RAB6A: variants seen among roughly 807,000 people sequenced by gnomAD.
The protein encoded by RAB6A is ras-related protein Rab-6A.
A neutral mutation model predicts 32.3 loss-of-function variants in RAB6A; 8 were observed. That is an observed-to-expected ratio of 0.25 (90% CI 0.15 to 0.45). The LOEUF is 0.45. Among genes scored for constraint, RAB6A ranks in the 20% least tolerant of loss-of-function variants. The pLI, the probability that RAB6A is intolerant of heterozygous loss-of-function variation, is 1.00. For synonymous variants in RAB6A, 73 were observed against 82.1 expected (o/e 0.89, Z 0.60); for missense variants, 104 against 249.4 (o/e 0.42, Z 3.93).
At chr11:73,695,171 A>G (rs1423116642) in intron 6 of RAB6A, among the ~76,000 whole-genome samples, 1 of 152,110 alleles carries the variant, frequency 6.6e-6, no homozygotes, top group Admixed American at 6.5e-5. Flanking sequence ...AGGACATCCC[A>G]AAGTGGGCCA....
At chr11:73,700,554 A>AG (rs1335229901) in intron 6 of RAB6A, among the ~76,000 whole-genome samples, 1 of 125,264 alleles carries the variant, frequency 8.0e-6, no homozygotes, top group Non-Finnish European at 1.6e-5. Flanking sequence ...ACTATACTCC[A>AG]GCCTGGGTGA....
chr11:73,726,581 CA>C (rs60281561), intron 2 of RAB6A, among the ~76,000 whole-genome samples: 316 of 29,810 alleles, frequency 0.011, no homozygotes, highest in African/African-American at 0.048. Flanking sequence ...GACTCTGTCT[CA>C]AAAAAAAAAA....
chr11:73,684,426 C>T (rs1408919249), intron 6 of RAB6A, among the ~76,000 whole-genome samples: 1 of 152,162 alleles, frequency 6.6e-6, no homozygotes, highest in South Asian at 2.1e-4. Flanking sequence ...ATCTTGGCCT[C>T]CCAAAGTGCT....
intron 5 of RAB6A, 105 bp from the exon 6 acceptor site, chr11:73,707,618 A>G: frequency 1.3e-6 from 1 of 765,268 alleles, no homozygotes; most frequent in South Asian, 1.8e-5. Context: ...AGGACTGGTT[A>G]TACAGGTCAC....
intron 7 of RAB6A, among the ~76,000 whole-genome samples, chr11:73,678,682 T>C (rs1163200618): frequency 6.6e-6 from 1 of 151,198 alleles, no homozygotes; most frequent in Non-Finnish European, 1.5e-5. Flanking sequence ...GTTGTTGTTG[T>C]TGTTTTGTTT....
chr11:73,693,556 C>CTTT (rs891656563), intron 6 of RAB6A, among the ~76,000 whole-genome samples: 1,542 of 118,966 alleles, frequency 0.013, 25 homozygotes, highest in African/African-American at 0.045. Context: ...AAGACTCCAT[C>CTTT]TTTTTTTTTT....
chr11:73,700,219 CTAAAG>C (rs1221496378), intron 6 of RAB6A, among the ~76,000 whole-genome samples: 1 of 152,138 alleles, frequency 6.6e-6, no homozygotes, highest in Non-Finnish European at 1.5e-5. Context: ...CAGGTGAAGG[CTAAAG>C]TAATCACCTT....
intron 1 of RAB6A, among the ~76,000 whole-genome samples, chr11:73,757,603 G>A (rs528711605): frequency 3.4e-4 from 52 of 152,072 alleles, no homozygotes; most frequent in Non-Finnish European, 5.6e-4. Flanking sequence ...TTTAATAAAG[G>A]AAGACGAATT....
chr11:73,760,626 C>A lies in RAB6A; in HGVS notation c.10G>T (p.Gly4Cys). 1 of 1,610,668 alleles carries A rather than the reference C, an allele frequency of 6.2e-7. No homozygotes were observed. The highest frequency in any genetic ancestry group is 1.1e-5 in the South Asian group (1 of 90,442). Reference sequence around the variant, plus strand: ...CTCAGCGGATTCCCGAAGTCTCCGCCCGTGGACATTGTGGAACTAGAGGAG... The same window carrying A: ...CTCAGCGGATTCCCGAAGTCTCCGCACGTGGACATTGTGGAACTAGAGGAG... MST[G>C]GDFGNPLRKF... Residue 4 changes from glycine (G) to cysteine (C), a missense_variant, in exon 1 of 8, where the codon GGC becomes TGC. By Grantham distance (159) the Gly-to-Cys change is radical (BLOSUM62 -3). This residue lies in a region of RAB6A where 48 missense variants were observed against 155.2 expected (regional missense o/e 0.31). Transcript: ENST00000336083.
At chr11:73,757,123 A>ATATATATATC (rs1946768714) in intron 1 of RAB6A, among the ~76,000 whole-genome samples, 1 of 48,054 alleles carries the variant, frequency 2.1e-5, no homozygotes, top group Admixed American at 2.8e-4. Context: ...ATATATATAT[A>ATATATATATC]TATATATTTT....
chr11:73,692,083 T>C (rs1327132501), intron 6 of RAB6A, among the ~76,000 whole-genome samples: 1 of 152,162 alleles, frequency 6.6e-6, no homozygotes, highest in Non-Finnish European at 1.5e-5. Context: ...ATTCTTTGGG[T>C]ATAACTATCC....
At chr11:73,720,284 G>A (rs968382419) in intron 3 of RAB6A, among the ~76,000 whole-genome samples, 1 of 150,686 alleles carries the variant, frequency 6.6e-6, no homozygotes, top group Non-Finnish European at 1.5e-5. Flanking sequence ...GGATTCAAGC[G>A]ATTCTCCTGC....
At chr11:73,722,056 G>GTGTGTGTGTAT (rs1555061901) in intron 2 of RAB6A, among the ~76,000 whole-genome samples, 19 of 151,048 alleles carry the variant, frequency 1.3e-4, no homozygotes, top group South Asian at 2.1e-4. Context: ...CTTCTGCCAT[G>GTGTGTGTGTAT]ATTGTAAGTT....
intron 2 of RAB6A, among the ~76,000 whole-genome samples, chr11:73,725,635 C>T (rs968924138): frequency 4.6e-5 from 7 of 152,102 alleles, no homozygotes; most frequent in Admixed American, 2.0e-4. Flanking sequence ...TTATTCATTA[C>T]CACGAGAACA....
At chr11:73,698,849 A>ATTTT (rs555410867) in intron 6 of RAB6A, among the ~76,000 whole-genome samples, 21 of 118,258 alleles carry the variant, frequency 1.8e-4, no homozygotes, top group Non-Finnish European at 3.0e-4. Flanking sequence ...TTTTTTTGCG[A>ATTTT]TTTTTTTTTT....
intron 1 of RAB6A, among the ~76,000 whole-genome samples, chr11:73,758,506 A>T (rs1253404873): frequency 6.6e-6 from 1 of 152,172 alleles, no homozygotes; most frequent in Non-Finnish European, 1.5e-5. Context: ...TATTAAAAAA[A>T]ATCTAACCAG....
At chr11:73,687,123 C>T (rs1160478350) in intron 6 of RAB6A, among the ~76,000 whole-genome samples, 4 of 152,074 alleles carry the variant, frequency 2.6e-5, no homozygotes, top group African/African-American at 9.7e-5. Flanking sequence ...ACAAGTCACA[C>T]ACAAAGGAAC....
intron 1 of RAB6A, among the ~76,000 whole-genome samples, chr11:73,754,950 G>GT (rs1267924879): frequency 6.6e-6 from 1 of 151,888 alleles, no homozygotes; most frequent in Non-Finnish European, 1.5e-5. Flanking sequence ...TTGAGATGGA[G>GT]TTTTGCTCGT....
At chr11:73,749,774 A>C (rs1239649102) in intron 1 of RAB6A, among the ~76,000 whole-genome samples, 8 of 152,314 alleles carry the variant, frequency 5.3e-5, no homozygotes, top group Admixed American at 1.3e-4. Flanking sequence ...AGCCAGGAAG[A>C]CTGCTTAAGC....
Sources: allele counts gnomAD v4.1 joint callset (sites outside exome capture counted in the v4.1 genomes callset), GRCh38; gene constraint gnomAD v4.1.1; regional missense constraint gnomAD v4.1.1; transcripts MANE v1.5; gene names NCBI Gene and HGNC (gene_info 2026-07-23, HGNC 2026-07-21).